Variants in ENTHD1 observed in about 807,000 individuals in gnomAD.
ENTHD1 encodes ENTH domain-containing protein 1.
A neutral mutation model predicts 39.1 loss-of-function variants in ENTHD1; 23 were observed. That is an observed-to-expected ratio of 0.59 (90% CI 0.42 to 0.83). The LOEUF (loss-of-function observed/expected upper bound fraction) is 0.83, where lower values mean the gene tolerates loss of function less well. ENTHD1 is among the 40% of genes least tolerant of loss of function. ENTHD1 has a pLI of 0.00. For missense variants in ENTHD1, 624 were observed against 705.4 expected, an observed-to-expected ratio of 0.88 and a Z score of 1.31; for synonymous variants, 230 against 258.2, an observed-to-expected ratio of 0.89 and a Z score of 1.05.
At chr22:39,804,363 C>G (rs2065623922) in intron 5 of ENTHD1, among the ~76,000 whole-genome samples, 1 of 149,070 alleles carries the variant, frequency 6.7e-6, no homozygotes, top group Non-Finnish European at 1.5e-5. Context: ...GCACATGCCT[C>G]TAGTCCCAGT....
intron 4 of ENTHD1, among the ~76,000 whole-genome samples, chr22:39,834,966 TG>T (rs1434644248): frequency 2.1e-4 from 32 of 152,050 alleles, no homozygotes; most frequent in African/African-American, 7.7e-4. Flanking sequence ...GAGGATGAGT[TG>T]GGAGTGGGGT....
chr22:39,780,033 G>T (rs966101601), intron 5 of ENTHD1, among the ~76,000 whole-genome samples: 9 of 152,080 alleles, frequency 5.9e-5, no homozygotes, highest in Admixed American at 3.9e-4. Flanking sequence ...AAAAGAACCA[G>T]AAAGCAAGCA....
At chr22:39,874,927 A>C (rs1402973612) in intron 2 of ENTHD1, among the ~76,000 whole-genome samples, 1 of 152,234 alleles carries the variant, frequency 6.6e-6, no homozygotes, top group African/African-American at 2.4e-5. Context: ...TCACTTAAGA[A>C]AACTTTAGTT....
At chr22:39,814,464 A>T (rs182431385) in intron 5 of ENTHD1, among the ~76,000 whole-genome samples, 105 of 151,666 alleles carry the variant, frequency 6.9e-4, no homozygotes, top group African/African-American at 2.4e-3. Context: ...TGTCTCAGGG[A>T]AAAAAAAAGA....
intron 6 of ENTHD1, among the ~76,000 whole-genome samples, chr22:39,749,832 G>A (rs1013815209): frequency 3.3e-5 from 5 of 152,204 alleles, no homozygotes; most frequent in African/African-American, 1.2e-4. Context: ...CCCTGGCTGA[G>A]CGAAGGGTTC....
chr22:39,804,610 A>G (rs969378976), intron 5 of ENTHD1, among the ~76,000 whole-genome samples: 1 of 152,182 alleles, frequency 6.6e-6, no homozygotes, highest in African/African-American at 2.4e-5. Flanking sequence ...AAATTAATTC[A>G]AAGTCTACTA....
intron 5 of ENTHD1, among the ~76,000 whole-genome samples, chr22:39,809,374 T>C (rs2065668252): frequency 1.3e-5 from 2 of 152,156 alleles, no homozygotes; most frequent in Non-Finnish European, 2.9e-5. Context: ...ATAGAGTGAA[T>C]GAGCAGAGAA....
chr22:39,820,810 T>G (rs897550886), intron 5 of ENTHD1, among the ~76,000 whole-genome samples, 183 bp downstream of exon 5: 6 of 152,208 alleles, frequency 3.9e-5, no homozygotes, highest in African/African-American at 9.6e-5. Context: ...AAGGAAAAAG[T>G]AAAACAGGAA....
chr22:39,886,293 T>A (rs545627489), intron 2 of ENTHD1, among the ~76,000 whole-genome samples: 27 of 152,296 alleles, frequency 1.8e-4, no homozygotes, highest in African/African-American at 6.0e-4. Context: ...ACACAGGACA[T>A]ATCTACTCTG....
At chr22:39,842,804 T>G (rs1475992423) in intron 3 of ENTHD1, among the ~76,000 whole-genome samples, 1 of 148,410 alleles carries the variant, frequency 6.7e-6, no homozygotes, top group Non-Finnish European at 1.5e-5. Flanking sequence ...GCAAAGGACA[T>G]GAACAGACAC....
At chr22:39,888,416 C>A (rs948736815) in intron 1 of ENTHD1, among the ~76,000 whole-genome samples, 1 of 151,414 alleles carries the variant, frequency 6.6e-6, no homozygotes, top group Non-Finnish European at 1.5e-5. Flanking sequence ...TATAGGTGTG[C>A]GCCACCATGC....
intron 5 of ENTHD1, among the ~76,000 whole-genome samples, chr22:39,776,233 T>A (rs1727160472): frequency 6.6e-6 from 1 of 152,230 alleles, no homozygotes; most frequent in Non-Finnish European, 1.5e-5. Context: ...CATGTAAATG[T>A]ATACTCTGTA....
intron 1 of ENTHD1, among the ~76,000 whole-genome samples, chr22:39,890,107 T>C (rs967105651): frequency 1.2e-5 from 1 of 86,042 alleles, no homozygotes; most frequent in Non-Finnish European, 2.3e-5. Flanking sequence ...CAAAAATAAA[T>C]AAATAAATAA....
chr22:39,883,090 C>G, intron 2 of ENTHD1, among the ~76,000 whole-genome samples: 1 of 150,476 alleles, frequency 6.6e-6, no homozygotes, highest in East Asian at 2.0e-4. Context: ...CTAATGGAAT[C>G]TTTTTCATTA....
chr22:39,875,799 G>C lies in ENTHD1; in HGVS notation c.349+11601C>G. ...GGCAAGAACATGGCTTTCAAATGGAGAGGCAAACCCCTGTTTGTACGTCAT... is the reference window on the plus strand; with the variant it reads ...GGCAAGAACATGGCTTTCAAATGGACAGGCAAACCCCTGTTTGTACGTCAT... On this transcript the variant is annotated intron_variant, in intron 2 of 6. Coordinates refer to ENST00000325157, the MANE Select transcript of ENTHD1 (RefSeq NM_152512.4). The C allele has an allele frequency of 3.1e-6, 5 of 1,613,448 alleles. 1 individual carries two copies. In the South Asian group the frequency reaches 4.4e-5, roughly 14 times the overall value.
chr22:39,794,337 A>G (rs2065529415), intron 5 of ENTHD1, among the ~76,000 whole-genome samples: 1 of 152,204 alleles, frequency 6.6e-6, no homozygotes, highest in Admixed American at 6.5e-5. Context: ...AGAATTTATC[A>G]GATCTAAGAG....
chr22:39,798,740 AG>A (rs1334534376), intron 5 of ENTHD1, among the ~76,000 whole-genome samples: 1 of 152,112 alleles, frequency 6.6e-6, no homozygotes, highest in Non-Finnish European at 1.5e-5. Context: ...CTTGTTCTGG[AG>A]CCAGCAGTGG....
intron 6 of ENTHD1, among the ~76,000 whole-genome samples, chr22:39,754,490 C>T (rs192659911): frequency 6.6e-6 from 1 of 152,318 alleles, no homozygotes; most frequent in Non-Finnish European, 1.5e-5. Flanking sequence ...TCAGGCTTGG[C>T]AGGTGACCTC....
At chr22:39,825,952 T>A (rs944906954) in intron 4 of ENTHD1, among the ~76,000 whole-genome samples, 7 of 152,206 alleles carry the variant, frequency 4.6e-5, no homozygotes, top group African/African-American at 1.4e-4. Flanking sequence ...TTGGGCCCAC[T>A]GCAAGCTCTG....
Sources: gnomAD v4.1 joint callset for allele counts (sites outside exome capture counted in the v4.1 genomes callset) on GRCh38, gnomAD v4.1.1 for gene constraint, MANE v1.5 for transcripts, NCBI Gene and HGNC (gene_info 2026-07-23, HGNC 2026-07-21) for gene names.